Variants in DPY19L3 observed in about 807,000 individuals in gnomAD.
The protein encoded by DPY19L3 is protein C-mannosyl-transferase DPY19L3.
DPY19L3 carries 51 observed loss-of-function variants against 92.3 expected under a neutral mutation model. The ratio of observed to expected loss-of-function variants is 0.55; its 90% confidence interval spans 0.44 to 0.70. The LOEUF (loss-of-function observed/expected upper bound fraction) is 0.70. DPY19L3 is among the 30% of genes least tolerant of loss of function. The pLI, the probability that DPY19L3 is intolerant of heterozygous loss-of-function variation, is 0.00. For missense variants in DPY19L3, 706 were observed against 855.9 expected (o/e 0.82, Z 2.18); for synonymous variants, 309 against 315.2 (o/e 0.98, Z 0.21).
At chr19:32,410,570 G>A (rs1407223142) in intron 2 of DPY19L3, among the ~76,000 whole-genome samples, 2 of 152,084 alleles carry the variant, frequency 1.3e-5, no homozygotes, top group Admixed American at 1.3e-4. Context: ...ATCACTTGAG[G>A]TCAGGAGTTC....
chr19:32,407,267 C>CCA (rs1555714139), intron 1 of DPY19L3, among the ~76,000 whole-genome samples: 1 of 121,132 alleles, frequency 8.3e-6, no homozygotes, highest in Non-Finnish European at 1.8e-5. Flanking sequence ...CTCCTGCTCC[C>CCA]CCCCACCCAT....
chr19:32,422,466 A>G (rs1968602929), intron 3 of DPY19L3, among the ~76,000 whole-genome samples: 1 of 152,220 alleles, frequency 6.6e-6, no homozygotes, highest in South Asian at 2.1e-4. Context: ...CGTAGAATGT[A>G]CAGAAAGAGC....
chr19:32,438,923 A>G lies in DPY19L3; in HGVS notation c.597-189A>G, dbSNP rs114322739. The G allele has an allele frequency of 1.5e-3, 988 of 647,794 alleles. 8 individuals are homozygous for G. The African/African-American group carries it at 0.016, about 11-fold the overall frequency. 40.1% of individuals were successfully genotyped at this position (647,794 alleles called of 1,614,324 possible). ...TGGACAGAGCACTTAAATGTTCTCT[A>G]TGCCAATTTTATGTTACAGGGATGA... On this transcript the variant is annotated intron_variant, in intron 6 of 18. Coordinates refer to ENST00000392250, the MANE Select transcript of DPY19L3 (RefSeq NM_001172774.2).
At chr19:32,475,605 A>G (rs143718163) in intron 16 of DPY19L3, among the ~76,000 whole-genome samples, 1 of 152,230 alleles carries the variant, frequency 6.6e-6, no homozygotes, top group Non-Finnish European at 1.5e-5. Context: ...TAGCAATTAC[A>G]CTCTAGGTAA....
rs759015016 is a variant in DPY19L3, at chr19:32,464,779, T to C, written c.1609T>C (p.Tyr537His). 6.7e-5 allele frequency: 103 copies of C among 1,526,386 alleles called. No individual in the cohort carries two copies. The highest frequency in any genetic ancestry group is 8.7e-5 in the Non-Finnish European group (98 of 1,122,708). The allele number at this position is 1,526,386 out of a possible 1,614,324, so 94.6% of individuals were successfully genotyped here. A position where few individuals can be genotyped will look rare whatever the true frequency, so the allele number is the denominator to read the frequency against. ...VPILILLYLC[Y>H]KFWPGMMDEL... ...GATATTAATACTGCTGTATCTATGC[T>C]ATAAGGTAAGACTGATTTTCCTCAT... Residue 537 changes from tyrosine (Y) to histidine (H), a missense_variant, in exon 15 of 19, where the codon TAT becomes CAT. Coordinates refer to ENST00000392250, the MANE Select transcript of DPY19L3 (RefSeq NM_001172774.2).
chr19:32,435,716 A>G (rs1436275494), intron 4 of DPY19L3, among the ~76,000 whole-genome samples: 2 of 152,178 alleles, frequency 1.3e-5, no homozygotes, highest in African/African-American at 4.8e-5. Context: ...AAGGTTGAGG[A>G]TCTTCTCCTG....
chr19:32,436,035 C>A (rs1210969576), intron 4 of DPY19L3, among the ~76,000 whole-genome samples: 1 of 152,246 alleles, frequency 6.6e-6, no homozygotes, highest in South Asian at 2.1e-4. Flanking sequence ...CATCCACTTA[C>A]ATGCCACTGG....
intron 12 of DPY19L3, 109 bp downstream of exon 12, chr19:32,458,618 A>G: frequency 2.6e-6 from 3 of 1,141,578 alleles, no homozygotes; most frequent in South Asian, 3.0e-5. Context: ...AATAGTATTC[A>G]TCTTAAAGGG....
intron 8 of DPY19L3, 105 bp downstream of exon 8, chr19:32,440,015 G>C: frequency 2.8e-6 from 4 of 1,445,996 alleles, no homozygotes; most frequent in Non-Finnish European, 3.7e-6. Flanking sequence ...AATTGAAGCT[G>C]TTTCTTAGAT....
chr19:32,406,978 A>T (rs545402644), intron 1 of DPY19L3, among the ~76,000 whole-genome samples: 44 of 149,034 alleles, frequency 3.0e-4, no homozygotes, highest in Middle Eastern at 3.6e-3. Flanking sequence ...GCTTGAAAGC[A>T]CAGTACTTAA....
chr19:32,431,333 G>A (rs1280948811), intron 3 of DPY19L3, among the ~76,000 whole-genome samples: 10 of 150,886 alleles, frequency 6.6e-5, no homozygotes, highest in Non-Finnish European at 1.0e-4. Context: ...AGCCGAGATC[G>A]CACCATTGCA....
At chr19:32,463,340 A>G in intron 12 of DPY19L3, 26 bp from the exon 13 acceptor site, 6 of 1,611,922 alleles carry the variant, frequency 3.7e-6, no homozygotes, top group Non-Finnish European at 5.1e-6. Flanking sequence ...TCCAGCTTAA[A>G]TTTTGTATGT....
chr19:32,483,177 A>T lies in DPY19L3; in HGVS notation c.*937A>T, dbSNP rs545174900. 1 of 152,188 alleles carries T rather than the reference A, an allele frequency of 6.6e-6. No individual in the cohort carries two copies. The highest frequency in any genetic ancestry group is 1.9e-4 in the East Asian group (1 of 5,202). 9.4% of individuals were successfully genotyped at this position (152,188 alleles called of 1,614,324 possible). On this transcript the variant is annotated 3_prime_UTR_variant, in exon 19 of 19. Coordinates refer to ENST00000392250, the MANE Select transcript of DPY19L3 (RefSeq NM_001172774.2). ...AGTCTGAATATTTTTTAAATGTTCT[A>T]TCTTAACTAGTTCACTAATACAGTA... is the stretch of plus-strand genomic sequence containing the variant.
At chr19:32,464,669 C>G in intron 14 of DPY19L3, 59 bp from the exon 15 acceptor site, 1 of 1,102,410 alleles carries the variant, frequency 9.1e-7, no homozygotes, top group Non-Finnish European at 1.3e-6. Flanking sequence ...AAGACCCTGT[C>G]TCTCAAAAAA....
intron 3 of DPY19L3, among the ~76,000 whole-genome samples, chr19:32,431,320 G>A (rs1303280370): frequency 2.6e-5 from 4 of 151,788 alleles, no homozygotes; most frequent in African/African-American, 7.3e-5. Flanking sequence ...GGAGGTTGCA[G>A]TGAGCCGAGA....
At chr19:32,472,839 G>A (rs1035724230) in intron 16 of DPY19L3, among the ~76,000 whole-genome samples, 2 of 152,140 alleles carry the variant, frequency 1.3e-5, no homozygotes, top group Non-Finnish European at 1.5e-5. Flanking sequence ...AATGAAACCC[G>A]TGTGTGCAGT....
chr19:32,461,349 G>T (rs1038536799), intron 12 of DPY19L3, among the ~76,000 whole-genome samples: 1 of 152,262 alleles, frequency 6.6e-6, no homozygotes, highest in African/African-American at 2.4e-5. Context: ...TCTGAAAGGG[G>T]CATGGTGTTC....
At chr19:32,450,407 C>T (rs754384944) in intron 8 of DPY19L3, among the ~76,000 whole-genome samples, 10 of 152,108 alleles carry the variant, frequency 6.6e-5, no homozygotes, top group Non-Finnish European at 1.5e-4. Context: ...GAAATGAAAA[C>T]ATATCCATGC....
chr19:32,420,603 C>A (rs1358292214), intron 3 of DPY19L3, among the ~76,000 whole-genome samples: 1 of 152,054 alleles, frequency 6.6e-6, no homozygotes, highest in East Asian at 1.9e-4. Flanking sequence ...GTGCGCACCA[C>A]CGTGCCCAGC....
Sources: gnomAD v4.1 joint callset for allele counts (sites outside exome capture counted in the v4.1 genomes callset) on GRCh38, gnomAD v4.1.1 for gene constraint, MANE v1.5 for transcripts, NCBI Gene and HGNC (gene_info 2026-07-23, HGNC 2026-07-21) for gene names.